LTBP1: variants seen among roughly 807,000 people sequenced by gnomAD.
LTBP1 encodes the protein latent-transforming growth factor beta-binding protein 1.
In LTBP1, 129 loss-of-function variants were observed where a neutral mutation model predicts 207.6. The observed-to-expected ratio is 0.62, with a 90% CI of 0.54 to 0.72. The LOEUF (loss-of-function observed/expected upper bound fraction) is 0.72, where lower values mean the gene tolerates loss of function less well. Among genes scored for constraint, LTBP1 ranks in the 30% least tolerant of loss-of-function variants. The pLI, the probability that LTBP1 is intolerant of heterozygous loss-of-function variation, is 0.00. For missense variants in LTBP1, 2,281 were observed against 2,217.2 expected (o/e 1.03, Z -0.58); for synonymous variants, 963 against 833.7 (o/e 1.16, Z -2.67).
chr2:33,236,285 C>A (rs1314602918), intron 9 of LTBP1, among the ~76,000 whole-genome samples: 3 of 152,144 alleles, frequency 2.0e-5, no homozygotes, highest in Non-Finnish European at 4.4e-5. Flanking sequence ...AGTTTGATGC[C>A]AGATCATGTT....
chr2:33,267,838 T>G (rs1427662806), intron 15 of LTBP1, among the ~76,000 whole-genome samples: 2 of 152,226 alleles, frequency 1.3e-5, no homozygotes, highest in Non-Finnish European at 2.9e-5. Flanking sequence ...TTACTCAGCT[T>G]CAACTGAACT....
intron 5 of LTBP1, among the ~76,000 whole-genome samples, chr2:33,161,627 A>G (rs2084478648): frequency 2.0e-5 from 3 of 152,218 alleles, no homozygotes. Flanking sequence ...GAGCACATGA[A>G]AGAATGGAGA....
chr2:33,010,085 G>T (rs571033983), intron 2 of LTBP1, among the ~76,000 whole-genome samples: 22 of 152,296 alleles, frequency 1.4e-4, no homozygotes, highest in South Asian at 6.2e-4. Flanking sequence ...GGCTGGCAGG[G>T]CGTGGTGGCT....
At chr2:33,059,208 A>G (rs2077151460) in intron 3 of LTBP1, among the ~76,000 whole-genome samples, 1 of 152,190 alleles carries the variant, frequency 6.6e-6, no homozygotes, top group South Asian at 2.1e-4. Flanking sequence ...ATTAAGTATA[A>G]AATGTGACCA....
intron 2 of LTBP1, among the ~76,000 whole-genome samples, chr2:33,018,107 A>G (rs1158745806): frequency 1.3e-5 from 2 of 151,984 alleles, no homozygotes; most frequent in Non-Finnish European, 2.9e-5. Flanking sequence ...ATTATATAAC[A>G]CGTTCTTTAC....
Position 33,213,460 on chromosome 2 carries a change from G to C in LTBP1, c.1702-4092G>C, listed in dbSNP as rs183129375. 1.1e-4 allele frequency among the ~76,000 whole-genome samples: 16 copies of C among 152,300 alleles called. No homozygotes were observed. The East Asian group carries it at 2.7e-3, about 26-fold the overall frequency. ...CTGTGTGATTACATCTCACCAGAAA[G>C]CAGAACCTAACAGTCATAGACAAGG... On this transcript the variant is annotated intron_variant, in intron 7 of 33. Transcript: ENST00000404816.
chr2:33,182,812 C>A (rs914066866), intron 5 of LTBP1, among the ~76,000 whole-genome samples: 1 of 149,846 alleles, frequency 6.7e-6, no homozygotes, highest in Admixed American at 6.7e-5. Flanking sequence ...GGAGCCCTCA[C>A]TTTGCATCTT....
chr2:33,083,312 A>AGGG (rs2078551175), intron 3 of LTBP1, among the ~76,000 whole-genome samples: 1 of 152,058 alleles, frequency 6.6e-6, no homozygotes, highest in Admixed American at 6.6e-5. Flanking sequence ...GGAGGAAAGA[A>AGGG]GGGGAATGTA....
At chr2:33,324,523 T>C (rs2094401109) in intron 24 of LTBP1, among the ~76,000 whole-genome samples, 2 of 152,072 alleles carry the variant, frequency 1.3e-5, no homozygotes, top group South Asian at 4.1e-4. Flanking sequence ...TGCATTGTCA[T>C]TGGTTTCCTT....
intron 5 of LTBP1, among the ~76,000 whole-genome samples, chr2:33,167,486 T>C (rs2085029774): frequency 6.6e-6 from 1 of 152,202 alleles, no homozygotes; most frequent in African/African-American, 2.4e-5. Context: ...CTGGAACTCA[T>C]ATGCTTTTGG....
chr2:33,241,897 A>T (rs1303600344), intron 9 of LTBP1, among the ~76,000 whole-genome samples: 2 of 152,230 alleles, frequency 1.3e-5, no homozygotes, highest in Non-Finnish European at 2.9e-5. Context: ...TGCTGTACAT[A>T]AAAGTGCATT....
chr2:33,030,040 C>T (rs926959367), intron 3 of LTBP1, among the ~76,000 whole-genome samples: 33 of 152,090 alleles, frequency 2.2e-4, no homozygotes, highest in African/African-American at 5.1e-4. Context: ...ACTCTCTTTC[C>T]GAGAGTTTCA....
chr2:33,237,643 G>T (rs988601363), intron 9 of LTBP1, among the ~76,000 whole-genome samples: 1 of 152,144 alleles, frequency 6.6e-6, no homozygotes, highest in African/African-American at 2.4e-5. Flanking sequence ...AACCTAATTG[G>T]TAAAGCCAGA....
chr2:33,109,543 A>C (rs888531774), intron 3 of LTBP1, among the ~76,000 whole-genome samples: 2 of 152,224 alleles, frequency 1.3e-5, no homozygotes, highest in Non-Finnish European at 2.9e-5. Flanking sequence ...AATTAGATGC[A>C]GTGGAAGAGA....
At chr2:33,293,539 T>TC (rs2093816114) in intron 20 of LTBP1, among the ~76,000 whole-genome samples, 1 of 152,158 alleles carries the variant, frequency 6.6e-6, no homozygotes. Context: ...AATTTTTTTT[T>TC]CTCATTATAA....
At chr2:33,214,556 T>G (rs1343606505) in intron 7 of LTBP1, among the ~76,000 whole-genome samples, 1 of 152,274 alleles carries the variant, frequency 6.6e-6, no homozygotes, top group African/African-American at 2.4e-5. Context: ...CTGAGACTGT[T>G]CATCTGTGGC....
At chr2:33,307,401 G>A (rs1372621924) in intron 22 of LTBP1, among the ~76,000 whole-genome samples, 3 of 152,184 alleles carry the variant, frequency 2.0e-5, no homozygotes, top group African/African-American at 7.2e-5. Flanking sequence ...TTATCAAAAG[G>A]TGAATGAGTA....
At chr2:33,099,999 A>G (rs953148629) in intron 3 of LTBP1, among the ~76,000 whole-genome samples, 2 of 152,226 alleles carry the variant, frequency 1.3e-5, no homozygotes, top group Non-Finnish European at 2.9e-5. Context: ...GGAGAGTTCA[A>G]TAAAACAATC....
chr2:33,107,231 C>T (rs1270398435), intron 3 of LTBP1, among the ~76,000 whole-genome samples: 2 of 152,204 alleles, frequency 1.3e-5, no homozygotes, highest in Non-Finnish European at 2.9e-5. Flanking sequence ...AAAACACAGA[C>T]ATATATGTAG....
Sources: gnomAD v4.1 joint callset for allele counts (sites outside exome capture counted in the v4.1 genomes callset) on GRCh38, gnomAD v4.1.1 for gene constraint, MANE v1.5 for transcripts, NCBI Gene and HGNC (gene_info 2026-07-23, HGNC 2026-07-21) for gene names.